The following PLPPR1 variants were observed in gnomAD, a reference collection of about 807,000 sequenced individuals.
PLPPR1 encodes the protein phospholipid phosphatase related 1, also known as phospholipid phosphatase-related protein type 1.
PLPPR1 carries 10 observed loss-of-function variants against 33.1 expected under a neutral mutation model. The observed-to-expected ratio is 0.30, with a 90% CI of 0.19 to 0.51. The LOEUF is 0.51. PLPPR1 is among the 20% of genes least tolerant of loss of function. The probability of loss-of-function intolerance (pLI) is 0.97; values close to 1 mark genes in which losing one functional copy is unlikely to be tolerated. For missense variants in PLPPR1, 304 were observed against 408.1 expected (o/e 0.74, Z 2.20); for synonymous variants, 151 against 151.0 (o/e 1.00, Z 0.00).
chr9:101,298,374 G>A (rs1828686504), intron 4 of PLPPR1, among the ~76,000 whole-genome samples: 1 of 152,148 alleles, frequency 6.6e-6, no homozygotes, highest in Non-Finnish European at 1.5e-5. Context: ...GCGAATTCAT[G>A]TAACGCTAAT....
At chr9:101,184,361 GA>G (rs1393470449) in intron 1 of PLPPR1, among the ~76,000 whole-genome samples, 3 of 151,774 alleles carry the variant, frequency 2.0e-5, no homozygotes, top group African/African-American at 7.2e-5. Flanking sequence ...TTTCATTCTG[GA>G]AAAGGGCAGA....
At chr9:101,268,522 T>G (rs1828039364) in intron 2 of PLPPR1, among the ~76,000 whole-genome samples, 1 of 152,168 alleles carries the variant, frequency 6.6e-6, no homozygotes, top group Non-Finnish European at 1.5e-5. Flanking sequence ...CTCTCTACCT[T>G]TTCGTATAAG....
At chr9:101,296,259 A>C (rs1222244464) in intron 4 of PLPPR1, among the ~76,000 whole-genome samples, 103 of 151,848 alleles carry the variant, frequency 6.8e-4, no homozygotes, top group African/African-American at 2.4e-3. Context: ...ATACCATCTC[A>C]CACCAGTTAG....
At chr9:101,305,299 C>T (rs1828838152) in intron 4 of PLPPR1, among the ~76,000 whole-genome samples, 1 of 152,052 alleles carries the variant, frequency 6.6e-6, no homozygotes, top group Non-Finnish European at 1.5e-5. Context: ...TGAAGGTTAT[C>T]AACAGTGGAC....
intron 2 of PLPPR1, among the ~76,000 whole-genome samples, chr9:101,244,789 C>T (rs1379052868): frequency 6.6e-6 from 1 of 151,470 alleles, no homozygotes; most frequent in African/African-American, 2.4e-5. Flanking sequence ...AAAGTTAAGC[C>T]AATAAATACC....
intron 2 of PLPPR1, among the ~76,000 whole-genome samples, chr9:101,246,112 A>G (rs1293956828): frequency 7.6e-6 from 1 of 132,074 alleles, no homozygotes; most frequent in African/African-American, 2.7e-5. Context: ...ATATATATAG[A>G]TAGATAGATA....
At chr9:101,161,170 A>G (rs957461960) in intron 1 of PLPPR1, among the ~76,000 whole-genome samples, 2 of 152,206 alleles carry the variant, frequency 1.3e-5, no homozygotes, top group African/African-American at 4.8e-5. Flanking sequence ...AAATGGAACA[A>G]GCTGTAAGAG....
chr9:101,272,007 A>C (rs1386375587), intron 3 of PLPPR1, among the ~76,000 whole-genome samples: 1 of 151,978 alleles, frequency 6.6e-6, no homozygotes, highest in African/African-American at 2.4e-5. Flanking sequence ...CTATAATAGA[A>C]AGTCAGACAT....
At chr9:101,281,642 A>G (rs1402066512) in intron 3 of PLPPR1, among the ~76,000 whole-genome samples, 3 of 152,090 alleles carry the variant, frequency 2.0e-5, no homozygotes, top group African/African-American at 7.2e-5. Flanking sequence ...AATAGAGAAG[A>G]ACAAAATGAA....
At chr9:101,298,065 G>T (rs565976404) in intron 4 of PLPPR1, among the ~76,000 whole-genome samples, 32 of 152,282 alleles carry the variant, frequency 2.1e-4, no homozygotes, top group African/African-American at 7.7e-4. Flanking sequence ...ATTAGAATTT[G>T]ATGAGGGTTT....
At position 101,145,404 on chromosome 9, in the gene PLPPR1, G is replaced by A. The variant is rs558386346; in HGVS notation, c.-45-40046G>A. 4.6e-5 allele frequency among the ~76,000 whole-genome samples: 7 copies of A among 151,576 alleles called. No homozygotes were observed. The South Asian group carries it at 1.0e-3, about 23-fold the overall frequency. On this transcript the variant is annotated intron_variant, in intron 1 of 7. Coordinates refer to ENST00000374874, the MANE Select transcript of PLPPR1 (RefSeq NM_207299.2). ...AATCTATACAATTTTTTTTTGAGAC[G>A]GAGTTTTGCTCTTGTCACTGAGACT...
intron 1 of PLPPR1, among the ~76,000 whole-genome samples, chr9:101,039,168 T>A (rs1830046417): frequency 6.6e-6 from 1 of 152,168 alleles, no homozygotes; most frequent in African/African-American, 2.4e-5. Flanking sequence ...CCTTCCCTGC[T>A]CTGAAAGCAG....
chr9:101,093,307 G>T (rs16919825), intron 1 of PLPPR1, among the ~76,000 whole-genome samples: 8,682 of 152,182 alleles, frequency 0.057, 627 homozygotes, highest in East Asian at 0.23. Flanking sequence ...GTTATTAATA[G>T]GCTGCCACCA....
chr9:101,133,286 A>G (rs1012006982), intron 1 of PLPPR1, among the ~76,000 whole-genome samples: 2 of 152,090 alleles, frequency 1.3e-5, no homozygotes, highest in African/African-American at 4.8e-5. Flanking sequence ...GCTGGGAAGA[A>G]TATAGATCTA....
chr9:101,129,485 G>T (rs1831289592), intron 1 of PLPPR1, among the ~76,000 whole-genome samples: 1 of 152,058 alleles, frequency 6.6e-6, no homozygotes, highest in Non-Finnish European at 1.5e-5. Context: ...CCACTTACAG[G>T]TGAATGGATA....
chr9:101,108,059 A>G (rs947197832), intron 1 of PLPPR1, among the ~76,000 whole-genome samples: 13 of 149,480 alleles, frequency 8.7e-5, no homozygotes, highest in Admixed American at 1.3e-4. Context: ...GGCACTCCCT[A>G]GTGAGATGAA....
At chr9:101,274,422 C>T (rs1828151664) in intron 3 of PLPPR1, among the ~76,000 whole-genome samples, 1 of 152,130 alleles carries the variant, frequency 6.6e-6, no homozygotes, top group Non-Finnish European at 1.5e-5. Context: ...CCATTTGGTT[C>T]CACTTATTTT....
At chr9:101,237,630 CAT>C (rs368055003) in intron 2 of PLPPR1, among the ~76,000 whole-genome samples, 102 of 126,788 alleles carry the variant, frequency 8.0e-4, no homozygotes, top group Middle Eastern at 4.7e-3. Context: ...CCATTGTGTG[CAT>C]ATATATATAT....
At position 101,253,915 on chromosome 9, in the gene PLPPR1, A is replaced by C. The variant is rs373165420; in HGVS notation, c.64-15965A>C. On this transcript the variant is annotated intron_variant, in intron 2 of 7. Coordinates refer to ENST00000374874, the MANE Select transcript of PLPPR1 (RefSeq NM_207299.2). ...TGTTTTTAGTACATGTTTTTAACTTAGATAAAAATCATTGTACTACGGGTC... is the reference window on the plus strand; with the variant it reads ...TGTTTTTAGTACATGTTTTTAACTTCGATAAAAATCATTGTACTACGGGTC... Among the ~76,000 whole-genome samples the C allele has an allele frequency of 7.9e-5, 12 of 152,230 alleles. No individual in the cohort carries two copies. The East Asian group carries it at 1.9e-3, about 25-fold the overall frequency.
Sources: gnomAD v4.1 joint callset for allele counts (sites outside exome capture counted in the v4.1 genomes callset) on GRCh38, gnomAD v4.1.1 for gene constraint, MANE v1.5 for transcripts, NCBI Gene and HGNC (gene_info 2026-07-23, HGNC 2026-07-21) for gene names.